FBXL4: variants seen among roughly 807,000 people sequenced by gnomAD.
FBXL4 encodes F-box/LRR-repeat protein 4.
Under a neutral mutation model 58.9 loss-of-function variants are expected in FBXL4, and 40 were observed. The ratio of observed to expected loss-of-function variants is 0.68; its 90% CI spans 0.53 to 0.88. The LOEUF is 0.88. Ranked by LOEUF, FBXL4 falls within the 40% of genes least tolerant of loss-of-function variation. The pLI, the probability that FBXL4 is intolerant of heterozygous loss-of-function variation, is 0.00. For synonymous variants in FBXL4, 263 were observed against 265.5 expected (o/e 0.99, Z 0.09); for missense variants, 676 against 734.4 (o/e 0.92, Z 0.92).
intron 1 of FBXL4, among the ~76,000 whole-genome samples, chr6:98,935,560 C>T (rs1450344013): frequency 2.0e-5 from 3 of 151,442 alleles, no homozygotes; most frequent in Non-Finnish European, 4.4e-5. Flanking sequence ...GAGGCCGAGG[C>T]GGGTGGATCA....
chr6:98,914,614 A>G (rs1192729541), intron 5 of FBXL4, among the ~76,000 whole-genome samples: 1 of 152,218 alleles, frequency 6.6e-6, no homozygotes, highest in Non-Finnish European at 1.5e-5. Flanking sequence ...GACAAAATTC[A>G]ACAACGCTTC....
chr6:98,901,172 A>G (rs1237571432), intron 6 of FBXL4, among the ~76,000 whole-genome samples: 1 of 152,156 alleles, frequency 6.6e-6, no homozygotes, highest in Non-Finnish European at 1.5e-5. Flanking sequence ...AGGAAATAAA[A>G]GCAGGGAAGG....
At chr6:98,916,637 G>T (rs1215298533) in intron 5 of FBXL4, among the ~76,000 whole-genome samples, 1 of 151,986 alleles carries the variant, frequency 6.6e-6, no homozygotes, top group East Asian at 1.9e-4. Flanking sequence ...ATGGACACAG[G>T]AAGGGGAACA....
intron 6 of FBXL4, among the ~76,000 whole-genome samples, chr6:98,902,207 T>G (rs1396925371): frequency 6.6e-6 from 1 of 152,194 alleles, no homozygotes; most frequent in African/African-American, 2.4e-5. Flanking sequence ...CTATGACTTC[T>G]AAATTCCTAA....
rs1449173508 is a variant in FBXL4 at position 98,899,501 on chromosome 6, T to C, written c.1104-20A>G. The C allele has an allele frequency of 6.2e-7, 1 of 1,601,366 alleles. No homozygotes were observed. Among genetic ancestry groups the C allele is most frequent in the South Asian group, 1.1e-5 (1 of 89,522 alleles). On this transcript the variant is annotated intron_variant, in intron 6 of 9. Coordinates refer to ENST00000369244, the MANE Select transcript of FBXL4 (RefSeq NM_001278716.2). ...AGAAACCTGCCAAAACAACATTCTA[T>C]GTGAATTTTATAAAACTAAAAGATA...
intron 1 of FBXL4, among the ~76,000 whole-genome samples, chr6:98,935,873 C>T (rs1424493324): frequency 6.6e-6 from 1 of 150,546 alleles, no homozygotes; most frequent in Non-Finnish European, 1.5e-5. Context: ...AGCAGATATG[C>T]AATGATATTT....
chr6:98,890,458 G>A (rs925444683), intron 7 of FBXL4, among the ~76,000 whole-genome samples: 1 of 152,140 alleles, frequency 6.6e-6, no homozygotes, highest in Non-Finnish European at 1.5e-5. Flanking sequence ...TTCACTAAAT[G>A]AAAATTCATA....
At chr6:98,883,767 T>C (rs995908138) in intron 7 of FBXL4, among the ~76,000 whole-genome samples, 5 of 151,640 alleles carry the variant, frequency 3.3e-5, no homozygotes, top group Admixed American at 3.3e-4. Flanking sequence ...TTCCATTCCC[T>C]GCACCAACAT....
intron 7 of FBXL4, among the ~76,000 whole-genome samples, chr6:98,883,868 G>C (rs1057400985): frequency 1.3e-5 from 2 of 150,668 alleles, no homozygotes; most frequent in African/African-American, 4.9e-5. Flanking sequence ...AGCTGCTGTT[G>C]GCCCTTTGCT....
At chr6:98,940,369 C>T (rs940190968) in intron 1 of FBXL4, among the ~76,000 whole-genome samples, 3 of 152,164 alleles carry the variant, frequency 2.0e-5, no homozygotes, top group Admixed American at 6.5e-5. Flanking sequence ...AAACATTTGG[C>T]TTGTTTCTAG....
At chr6:98,909,024 T>A (rs1582407492) in intron 5 of FBXL4, among the ~76,000 whole-genome samples, 1 of 152,272 alleles carries the variant, frequency 6.6e-6, no homozygotes, top group East Asian at 1.9e-4. Context: ...TTTTAAAAAA[T>A]TCTGTTTGCA....
chr6:98,908,024 A>T (rs1771879304), intron 5 of FBXL4, among the ~76,000 whole-genome samples: 1 of 152,196 alleles, frequency 6.6e-6, no homozygotes, highest in South Asian at 2.1e-4. Flanking sequence ...AGTGGTCCCT[A>T]TACCTAGAAC....
At chr6:98,891,512 T>C (rs554260973) in intron 7 of FBXL4, among the ~76,000 whole-genome samples, 2 of 152,280 alleles carry the variant, frequency 1.3e-5, no homozygotes, top group African/African-American at 2.4e-5. Context: ...TACAATAATA[T>C]AGTCGAATAC....
At chr6:98,896,146 G>A (rs1771401707) in intron 7 of FBXL4, among the ~76,000 whole-genome samples, 1 of 152,120 alleles carries the variant, frequency 6.6e-6, no homozygotes, top group African/African-American at 2.4e-5. Context: ...TCAAAACAGA[G>A]TCTAGAATGA....
chr6:98,892,152 T>C lies in FBXL4; in HGVS notation c.1317+7116A>G, dbSNP rs114035260. On this transcript the variant is annotated intron_variant, in intron 7 of 9. Coordinates refer to ENST00000369244, the MANE Select transcript of FBXL4 (RefSeq NM_001278716.2). ...TTTTATCTGTGATAATTAAACTTAT[T>C]ATCAGCTATTAAAACTATTGATTCT... Among the ~76,000 whole-genome samples the C allele has an allele frequency of 4.0e-3, 611 of 152,348 alleles. 2 individuals carry two copies. The highest frequency in any genetic ancestry group is 0.014 in the African/African-American group (584 of 41,582).
At chr6:98,885,791 A>G (rs1360586589) in intron 7 of FBXL4, among the ~76,000 whole-genome samples, 2 of 152,194 alleles carry the variant, frequency 1.3e-5, no homozygotes, top group Non-Finnish European at 2.9e-5. Flanking sequence ...TCCTTATAAT[A>G]AATATCTTTA....
intron 1 of FBXL4, among the ~76,000 whole-genome samples, chr6:98,944,490 T>C (rs2128414470): frequency 6.6e-6 from 1 of 152,288 alleles, no homozygotes; most frequent in African/African-American, 2.4e-5. Flanking sequence ...AATGCAATAC[T>C]AAAACAATAA....
chr6:98,914,663 A>G (rs1772258799), intron 5 of FBXL4, among the ~76,000 whole-genome samples: 3 of 152,170 alleles, frequency 2.0e-5, no homozygotes, highest in East Asian at 1.9e-4. Context: ...TTGATGGGAC[A>G]TATCTCAAAA....
intron 1 of FBXL4, among the ~76,000 whole-genome samples, chr6:98,936,125 A>G (rs1456822462): frequency 6.6e-6 from 1 of 152,232 alleles, no homozygotes; most frequent in East Asian, 1.9e-4. Context: ...ATAGCTTGCC[A>G]TTATAGCTAA....
Sources: allele counts gnomAD v4.1 joint callset (sites outside exome capture counted in the v4.1 genomes callset), GRCh38; gene constraint gnomAD v4.1.1; transcripts MANE v1.5; gene names NCBI Gene and HGNC (gene_info 2026-07-23, HGNC 2026-07-21).